The following ITGA11 variants were observed in gnomAD, a reference collection of about 807,000 sequenced individuals.
ITGA11 encodes integrin subunit alpha 11, also known as integrin alpha-11.
Under a neutral mutation model 141.9 loss-of-function variants are expected in ITGA11, and 97 were observed. That is an observed-to-expected ratio of 0.68 (90% CI 0.58 to 0.81). The LOEUF (loss-of-function observed/expected upper bound fraction) is 0.81, where lower values mean the gene tolerates loss of function less well. ITGA11 is among the 30% of genes least tolerant of loss of function. The pLI, the probability that ITGA11 is intolerant of heterozygous loss-of-function variation, is 0.00. For synonymous variants in ITGA11, 658 were observed against 624.6 expected, an observed-to-expected ratio of 1.05 and a Z score of -0.80; for missense variants, 1,387 against 1,559.2, an observed-to-expected ratio of 0.89 and a Z score of 1.86.
chr15:68,331,632 G>A (rs1894159694), intron 14 of ITGA11, among the ~76,000 whole-genome samples: 1 of 151,822 alleles, frequency 6.6e-6, no homozygotes, highest in African/African-American at 2.4e-5. Context: ...GGAGGATGAG[G>A]GTAAGCAGGG....
rs1893990171 is a variant in ITGA11 at position 68,326,820 on chromosome 15, C to A, written c.2069-24G>T. On this transcript the variant is annotated intron_variant, in intron 16 of 29. Coordinates refer to ENST00000315757, the MANE Select transcript of ITGA11 (RefSeq NM_001004439.2). The surrounding 1 kb of genome is among the most constrained non-coding windows in gnomAD (Gnocchi z 6.8). The stretch of plus-strand genomic sequence containing the variant: ...GCCTGCAGGAGGGGAGAGGGCAAGA[C>A]CACAAAGGTGGAGCCACATGCCCAT... 6.4e-7 allele frequency: 1 copy of A among 1,565,180 alleles called. No homozygotes were observed. Among genetic ancestry groups the A allele is most frequent in the South Asian group, 1.2e-5 (1 of 84,622 alleles).
At chr15:68,403,646 T>C (rs149608369) in intron 1 of ITGA11, among the ~76,000 whole-genome samples, 82 of 150,788 alleles carry the variant, frequency 5.4e-4, no homozygotes, top group Admixed American at 1.3e-3. Context: ...TTTTTTTCTG[T>C]TTCCCTGACA....
chr15:68,303,049 C>T lies in ITGA11; in HGVS notation c.*10G>A. 1 of 1,547,630 alleles carries T rather than the reference C, an allele frequency of 6.5e-7. No individual in the cohort carries two copies. Among genetic ancestry groups the T allele is most frequent in the Non-Finnish European group, 8.7e-7 (1 of 1,145,254 alleles). On this transcript the variant is annotated 3_prime_UTR_variant, in exon 30 of 30. Transcript: ENST00000315757. This position sits in a 1 kb window ranked among gnomAD's most constrained non-coding sequence, Gnocchi z 5.3. ...CTGGCCCCCATCAACTCAAAGTCTC[C>T]TCTGGAGCCTCACTCCAGCACTTTG...
intron 1 of ITGA11, among the ~76,000 whole-genome samples, chr15:68,403,998 C>A (rs373808670): frequency 6.6e-6 from 1 of 152,150 alleles, no homozygotes; most frequent in Non-Finnish European, 1.5e-5. Context: ...CTGTCCTTCC[C>A]CCAGGGAACT....
At chr15:68,340,912 G>A (rs1278999277) in intron 10 of ITGA11, 1 of 152,242 alleles carries the variant, frequency 6.6e-6, no homozygotes, top group Non-Finnish European at 1.5e-5. Context: ...GGGTTACCTT[G>A]GTGATTACAG....
intron 28 of ITGA11, among the ~76,000 whole-genome samples, chr15:68,306,990 C>T (rs1893220521): frequency 6.6e-6 from 1 of 152,228 alleles, no homozygotes; most frequent in Non-Finnish European, 1.5e-5. Flanking sequence ...CCTCACTTCT[C>T]GTTGGGTCTC....
At chr15:68,312,933 A>G (rs1893442202) in intron 23 of ITGA11, 70 bp from the exon 24 acceptor site, 8 of 1,165,268 alleles carry the variant, frequency 6.9e-6, no homozygotes, top group Non-Finnish European at 1.0e-5. Flanking sequence ...TGAATGAAAG[A>G]GGGAGAGGGC....
At chr15:68,408,642 G>A (rs939530758) in intron 1 of ITGA11, among the ~76,000 whole-genome samples, 1 of 152,144 alleles carries the variant, frequency 6.6e-6, no homozygotes, top group African/African-American at 2.4e-5. Flanking sequence ...GCTTCTGGAG[G>A]TGTGATTCTG....
chr15:68,418,009 G>A (rs1896926473), intron 1 of ITGA11, among the ~76,000 whole-genome samples: 1 of 152,232 alleles, frequency 6.6e-6, no homozygotes, highest in African/African-American at 2.4e-5. Context: ...ACTAATGTGT[G>A]CTGGAGTCTG....
intron 10 of ITGA11, among the ~76,000 whole-genome samples, chr15:68,343,018 T>A (rs1391417310): frequency 6.7e-6 from 1 of 149,840 alleles, no homozygotes; most frequent in Non-Finnish European, 1.5e-5. Context: ...TCTCTCTCTC[T>A]CTCTCTCTCT....
chr15:68,414,497 A>G (rs374812598), intron 1 of ITGA11, among the ~76,000 whole-genome samples: 2 of 152,154 alleles, frequency 1.3e-5, no homozygotes, highest in Non-Finnish European at 1.5e-5. Flanking sequence ...TCGACTGGCT[A>G]TGTGACCTGA....
rs748731001 is a variant in ITGA11 at position 68,351,325 on chromosome 15, T to C, written c.827A>G (p.Asp276Gly). The C allele has an allele frequency of 2.5e-6, 4 of 1,614,032 alleles. No individual in the cohort carries two copies. In the Admixed American group the frequency reaches 5.0e-5, roughly 20 times the overall value. The change falls in exon 8 of 30, where the codon GAC (aspartate) becomes GGC (glycine). Residue 276 changes from aspartate to glycine, a missense_variant. Transcript: ENST00000315757. ...MIVITDGESH[D>G]SPDLEKVIQQ... is the part of the protein sequence containing the mutation. ...GATCACCTTCTCCAGGTCTGGGCTG[T>C]CGTGGGACTCCCCATCTGTGATGAC...
intron 1 of ITGA11, among the ~76,000 whole-genome samples, chr15:68,412,166 T>C (rs1202447529): frequency 1.3e-5 from 2 of 152,162 alleles, no homozygotes; most frequent in Non-Finnish European, 2.9e-5. Context: ...GCTTAGCTCT[T>C]AAGTGATGGA....
At position 68,322,881 on chromosome 15, in the gene ITGA11, G is replaced by A. The variant is rs1893856873; in HGVS notation, c.2323-1378C>T. Among the ~76,000 whole-genome samples the A allele has an allele frequency of 6.6e-6, 1 of 151,928 alleles. No homozygotes were observed. The highest frequency in any genetic ancestry group is 2.4e-5 in the African/African-American group (1 of 41,360). ...TCAAAAAAAAAAAAAAAGAAAGTAG[G>A]GGTTAAGTGAGAAGTTCAGTGTGCG... is the stretch of plus-strand genomic sequence containing the variant. On this transcript the variant is annotated intron_variant, in intron 18 of 29. Transcript: ENST00000315757. This position sits in a 1 kb window ranked among gnomAD's most constrained non-coding sequence, Gnocchi z 5.6.
intron 21 of ITGA11, 80 bp from the exon 22 acceptor site, chr15:68,315,807 C>A: frequency 8.2e-7 from 1 of 1,214,216 alleles, no homozygotes; most frequent in Non-Finnish European, 1.2e-6. Context: ...CCACAGCCCC[C>A]TGCTGGCTTG....
chr15:68,426,394 G>A (rs937023777), intron 1 of ITGA11, among the ~76,000 whole-genome samples: 1 of 152,192 alleles, frequency 6.6e-6, no homozygotes, highest in East Asian at 1.9e-4. Flanking sequence ...CAGCCCCTGG[G>A]AAGTCAGTGT....
intron 2 of ITGA11, among the ~76,000 whole-genome samples, chr15:68,400,639 ATATTATATATTATATAATAAATATAT>A (rs1566938420): frequency 1.6e-5 from 1 of 63,904 alleles, no homozygotes; most frequent in Non-Finnish European, 2.7e-5. Flanking sequence ...AAATATTATA[ATATTATATATTATATAATAAATATAT>A]TATATATTAT....
Position 68,326,591 on chromosome 15 carries a change from C to T in ITGA11, c.2211+63G>A. ...AACCAGCCAGGCAGACTCTCTGCCT[C>T]TCCCACGGCAGATGCTCCTTCCTAT... On this transcript the variant is annotated intron_variant, in intron 17 of 29. Transcript: ENST00000315757. This position sits in a 1 kb window ranked among gnomAD's most constrained non-coding sequence, Gnocchi z 6.8. The T allele has an allele frequency of 1.3e-6, 2 of 1,501,226 alleles. No homozygotes were observed. The highest frequency in any genetic ancestry group is 1.8e-6 in the Non-Finnish European group (2 of 1,116,246). 93.0% of individuals were successfully genotyped at this position (1,501,226 alleles called of 1,614,324 possible). A position where few individuals can be genotyped will look rare whatever the true frequency, so the allele number is the denominator to read the frequency against.
At chr15:68,431,647 C>T (rs544251189) in intron 1 of ITGA11, among the ~76,000 whole-genome samples, 1 of 152,370 alleles carries the variant, frequency 6.6e-6, no homozygotes, top group South Asian at 2.1e-4. Context: ...GGGCCGTGCG[C>T]CCTCGGCGCT....
Sources: allele counts gnomAD v4.1 joint callset (sites outside exome capture counted in the v4.1 genomes callset), GRCh38; gene constraint gnomAD v4.1.1; non-coding constraint Gnocchi (gnomAD v3.1); transcripts MANE v1.5; gene names NCBI Gene and HGNC (gene_info 2026-07-23, HGNC 2026-07-21).